Variants in NTNG1 observed in about 807,000 individuals in gnomAD.
NTNG1 encodes the protein netrin-G1.
Under a neutral mutation model 54.0 loss-of-function variants are expected in NTNG1, and 16 were observed. That is an observed-to-expected ratio of 0.30 (90% confidence interval 0.20 to 0.45). The LOEUF is 0.45. Among genes scored for constraint, NTNG1 ranks in the 20% least tolerant of loss-of-function variants. The pLI, the probability that NTNG1 is intolerant of heterozygous loss-of-function variation, is 1.00. For synonymous variants in NTNG1, 255 were observed against 263.1 expected, an observed-to-expected ratio of 0.97 and a Z score of 0.30; for missense variants, 530 against 678.7, an observed-to-expected ratio of 0.78 and a Z score of 2.43.
At chr1:107,297,238 TATATATATGC>T (rs778336649) in intron 2 of NTNG1, among the ~76,000 whole-genome samples, 3,443 of 30,576 alleles carry the variant, frequency 0.11, 251 homozygotes, top group East Asian at 0.35. Context: ...TATATATATA[TATATATATGC>T]GCACACACAC....
chr1:107,238,928 G>A (rs972492048), intron 2 of NTNG1, among the ~76,000 whole-genome samples: 3 of 152,056 alleles, frequency 2.0e-5, no homozygotes, highest in African/African-American at 7.2e-5. Context: ...ATACGATGTG[G>A]CCCATACACC....
At chr1:107,303,044 A>C (rs1217210483) in intron 2 of NTNG1, among the ~76,000 whole-genome samples, 2 of 152,214 alleles carry the variant, frequency 1.3e-5, no homozygotes, top group Non-Finnish European at 2.9e-5. Flanking sequence ...GTAAAACAAT[A>C]CTGATCCTGC....
At chr1:107,315,450 C>T (rs893750358) in intron 2 of NTNG1, among the ~76,000 whole-genome samples, 10 of 152,142 alleles carry the variant, frequency 6.6e-5, no homozygotes, top group African/African-American at 9.7e-5. Flanking sequence ...ATCTCACATA[C>T]TCTATTTCCT....
chr1:107,337,538 G>T (rs1298611044), intron 3 of NTNG1, among the ~76,000 whole-genome samples: 1 of 151,944 alleles, frequency 6.6e-6, no homozygotes, highest in Admixed American at 6.6e-5. Flanking sequence ...GATGAATGAT[G>T]ATGATGGTTG....
intron 2 of NTNG1, among the ~76,000 whole-genome samples, chr1:107,184,076 A>G (rs1220623330): frequency 6.6e-6 from 1 of 152,116 alleles, no homozygotes; most frequent in Non-Finnish European, 1.5e-5. Context: ...ACCTTTCTAC[A>G]TGTAAAATAC....
At chr1:107,190,023 G>T (rs1657788167) in intron 2 of NTNG1, among the ~76,000 whole-genome samples, 1 of 152,096 alleles carries the variant, frequency 6.6e-6, no homozygotes. Context: ...CAATATGGAT[G>T]AATCTTGAAG....
intron 2 of NTNG1, among the ~76,000 whole-genome samples, chr1:107,291,635 T>C (rs1665610568): frequency 6.6e-6 from 1 of 152,184 alleles, no homozygotes; most frequent in Non-Finnish European, 1.5e-5. Flanking sequence ...AGTAGAAATG[T>C]AGAAATTTTA....
chr1:107,421,594 T>C (rs1452181060), intron 5 of NTNG1, among the ~76,000 whole-genome samples: 1 of 152,088 alleles, frequency 6.6e-6, no homozygotes, highest in Non-Finnish European at 1.5e-5. Flanking sequence ...CAAAAAATTG[T>C]TTCGAATAAC....
intron 2 of NTNG1, among the ~76,000 whole-genome samples, chr1:107,250,873 G>A (rs941244876): frequency 2.0e-5 from 3 of 152,244 alleles, no homozygotes; most frequent in African/African-American, 7.2e-5. Context: ...GAATCTGGTA[G>A]CATCACTCTA....
At chr1:107,329,243 T>C (rs1174868476) in intron 3 of NTNG1, among the ~76,000 whole-genome samples, 6 of 152,094 alleles carry the variant, frequency 3.9e-5, no homozygotes, top group Non-Finnish European at 2.9e-5. Flanking sequence ...AGAATCACAC[T>C]CTCCCTGCCT....
chr1:107,191,925 C>T (rs919465422), intron 2 of NTNG1, among the ~76,000 whole-genome samples: 6 of 152,032 alleles, frequency 3.9e-5, no homozygotes, highest in Admixed American at 6.6e-5. Flanking sequence ...TATTTTGGTT[C>T]CATATGAACT....
chr1:107,454,439 T>C (rs1426292505), intron 7 of NTNG1, among the ~76,000 whole-genome samples: 2 of 152,136 alleles, frequency 1.3e-5, no homozygotes, highest in African/African-American at 4.8e-5. Context: ...TGCTGAGACA[T>C]AGTCCCTACC....
chr1:107,388,223 T>C (rs756897391), intron 3 of NTNG1, among the ~76,000 whole-genome samples: 1 of 152,154 alleles, frequency 6.6e-6, no homozygotes, highest in Non-Finnish European at 1.5e-5. Flanking sequence ...ACTATAGAAA[T>C]AATAAAGGAA....
chr1:107,343,444 T>G (rs553795012), intron 3 of NTNG1, among the ~76,000 whole-genome samples: 1 of 152,004 alleles, frequency 6.6e-6, no homozygotes, highest in Non-Finnish European at 1.5e-5. Context: ...CACAATTTCT[T>G]TGAAGCCAAA....
intron 2 of NTNG1, among the ~76,000 whole-genome samples, chr1:107,221,698 G>C (rs534026711): frequency 6.6e-6 from 1 of 152,300 alleles, no homozygotes; most frequent in Non-Finnish European, 1.5e-5. Flanking sequence ...TACTTGGGCC[G>C]TGGCTGGCAC....
intron 5 of NTNG1, chr1:107,409,510 C>T (rs925834819): frequency 1.3e-5 from 2 of 152,178 alleles, no homozygotes; most frequent in Admixed American, 6.6e-5. Flanking sequence ...TTTTACACAT[C>T]AAATCAGGAA....
chr1:107,297,103 AC>A (rs1557877991), intron 2 of NTNG1, among the ~76,000 whole-genome samples: 7 of 147,544 alleles, frequency 4.7e-5, no homozygotes, highest in Non-Finnish European at 7.5e-5. Context: ...ACACACACAC[AC>A]ACACACACAC....
At chr1:107,431,407 A>G (rs541402246) in intron 6 of NTNG1, among the ~76,000 whole-genome samples, 5 of 152,314 alleles carry the variant, frequency 3.3e-5, no homozygotes, top group Admixed American at 3.3e-4. Context: ...ATGACTAGCA[A>G]CTGGAAATGT....
chr1:107,260,172 G>A (rs1343265405), intron 2 of NTNG1, among the ~76,000 whole-genome samples: 4 of 152,182 alleles, frequency 2.6e-5, no homozygotes, highest in African/African-American at 4.8e-5. Flanking sequence ...CGATACTAGT[G>A]TTCTGTGATA....
Sources: gnomAD v4.1 joint callset for allele counts (sites outside exome capture counted in the v4.1 genomes callset) on GRCh38, gnomAD v4.1.1 for gene constraint, MANE v1.5 for transcripts, NCBI Gene and HGNC (gene_info 2026-07-23, HGNC 2026-07-21) for gene names.